The following SPOCK3 variants were observed in gnomAD, a reference collection of about 807,000 sequenced individuals.
SPOCK3 encodes testican-3.
Under a neutral mutation model 56.6 loss-of-function variants are expected in SPOCK3, and 30 were observed. That is an observed-to-expected ratio of 0.53 (90% CI 0.40 to 0.72). The LOEUF is 0.72. SPOCK3 is among the 30% of genes least tolerant of loss of function. SPOCK3 has a pLI of 0.00. For missense variants in SPOCK3, 527 were observed against 530.0 expected, an observed-to-expected ratio of 0.99 and a Z score of 0.06; for synonymous variants, 196 against 183.3, an observed-to-expected ratio of 1.07 and a Z score of -0.56.
intron 2 of SPOCK3, among the ~76,000 whole-genome samples, chr4:167,096,776 T>C (rs1467302457): frequency 6.6e-6 from 1 of 151,912 alleles, no homozygotes; most frequent in Non-Finnish European, 1.5e-5. Flanking sequence ...TACATCAAGT[T>C]GATTAATACT....
In SPOCK3 at chr4:167,020,051, A is replaced by T. The variant is rs367956444; in HGVS notation, c.236-19588T>A. Among the ~76,000 whole-genome samples, 31 of 152,236 alleles carry T rather than the reference A, an allele frequency of 2.0e-4. No homozygotes were observed. In the East Asian group the frequency reaches 5.6e-3, roughly 28 times the overall value. ...TGGATGTTACAGAAGTGAAACTTTA[A>T]TTGAAATGAGATAACTTTGGGACCT... is the stretch of plus-strand genomic sequence containing the variant. On this transcript the variant is annotated intron_variant, in intron 3 of 10. Transcript: ENST00000357545.
At chr4:166,899,288 A>ATCTC (rs768120620) in intron 5 of SPOCK3, among the ~76,000 whole-genome samples, 1 of 144,972 alleles carries the variant, frequency 6.9e-6, no homozygotes, top group Non-Finnish European at 1.5e-5. Flanking sequence ...CTATCTATCT[A>ATCTC]TCTATCTATC....
intron 7 of SPOCK3, among the ~76,000 whole-genome samples, chr4:166,762,984 A>G (rs1003051675): frequency 2.6e-5 from 4 of 152,142 alleles, no homozygotes; most frequent in Non-Finnish European, 5.9e-5. Flanking sequence ...TCAGAAAATT[A>G]TATGAAGAAA....
At chr4:167,113,014 G>A (rs1281693695) in intron 2 of SPOCK3, among the ~76,000 whole-genome samples, 6 of 152,064 alleles carry the variant, frequency 3.9e-5, no homozygotes, top group Non-Finnish European at 7.4e-5. Flanking sequence ...TGATTTGCCT[G>A]CTTGATCATA....
intron 6 of SPOCK3, among the ~76,000 whole-genome samples, chr4:166,874,611 C>A (rs940914536): frequency 2.0e-5 from 3 of 152,144 alleles, no homozygotes; most frequent in Admixed American, 6.5e-5. Flanking sequence ...GTGGCAGTAT[C>A]ACCATGTAAG....
chr4:167,056,510 C>T (rs1580147855), intron 3 of SPOCK3, among the ~76,000 whole-genome samples: 1 of 152,158 alleles, frequency 6.6e-6, no homozygotes, highest in East Asian at 1.9e-4. Context: ...GACATTCAAA[C>T]CAAAGGCAAA....
intron 4 of SPOCK3, among the ~76,000 whole-genome samples, chr4:166,918,696 C>T (rs1738162656): frequency 2.0e-5 from 3 of 151,988 alleles, no homozygotes; most frequent in Non-Finnish European, 4.4e-5. Context: ...ATGAAAAATA[C>T]CTTTAAAAAT....
At chr4:166,879,305 G>C (rs1406679628) in intron 6 of SPOCK3, among the ~76,000 whole-genome samples, 1 of 152,028 alleles carries the variant, frequency 6.6e-6, no homozygotes, top group Non-Finnish European at 1.5e-5. Flanking sequence ...GAGGTAAGAG[G>C]ATCACTTGAG....
chr4:166,956,228 C>T (rs1743453149), intron 4 of SPOCK3, among the ~76,000 whole-genome samples: 1 of 151,942 alleles, frequency 6.6e-6, no homozygotes, highest in South Asian at 2.1e-4. Context: ...CATACACACA[C>T]ACACACACAC....
At chr4:166,862,579 A>C (rs1010707122) in intron 6 of SPOCK3, among the ~76,000 whole-genome samples, 9 of 152,126 alleles carry the variant, frequency 5.9e-5, no homozygotes, top group Admixed American at 4.6e-4. Context: ...CATGTTTGTT[A>C]AATACATAAA....
At chr4:166,738,021 C>T (rs192399128) in intron 9 of SPOCK3, among the ~76,000 whole-genome samples, 1 of 152,242 alleles carries the variant, frequency 6.6e-6, no homozygotes, top group East Asian at 1.9e-4. Flanking sequence ...CTTTCATTTC[C>T]CCAAATGTTC....
At chr4:167,179,713 G>A (rs540034735) in intron 2 of SPOCK3, among the ~76,000 whole-genome samples, 68 of 152,142 alleles carry the variant, frequency 4.5e-4, no homozygotes, top group South Asian at 2.3e-3. Flanking sequence ...GAATGATACC[G>A]CATTATATTA....
At chr4:166,845,617 G>T (rs1747980351) in intron 6 of SPOCK3, among the ~76,000 whole-genome samples, 1 of 152,144 alleles carries the variant, frequency 6.6e-6, no homozygotes, top group Non-Finnish European at 1.5e-5. Flanking sequence ...AGAAAACAGG[G>T]TTGGGAGCTC....
At chr4:166,773,877 G>T (rs1739231576) in intron 7 of SPOCK3, among the ~76,000 whole-genome samples, 2 of 152,004 alleles carry the variant, frequency 1.3e-5, no homozygotes, top group South Asian at 2.1e-4. Context: ...AACAAATGGG[G>T]CTTATAGGAT....
chr4:166,902,402 C>G (rs1736147630), intron 5 of SPOCK3, among the ~76,000 whole-genome samples: 1 of 151,950 alleles, frequency 6.6e-6, no homozygotes, highest in Non-Finnish European at 1.5e-5. Context: ...TTCATCACTT[C>G]TGGAAAGTTC....
intron 7 of SPOCK3, among the ~76,000 whole-genome samples, chr4:166,784,792 G>A (rs190302735): frequency 1.4e-4 from 22 of 152,098 alleles, no homozygotes; most frequent in Admixed American, 1.2e-3. Flanking sequence ...CATTTTCTCC[G>A]ACTGAGGAGA....
At chr4:166,843,467 G>T (rs1176121781) in intron 6 of SPOCK3, among the ~76,000 whole-genome samples, 9 of 152,328 alleles carry the variant, frequency 5.9e-5, no homozygotes, top group Admixed American at 2.6e-4. Flanking sequence ...ACCTAATAGT[G>T]AGTCATTTAA....
At chr4:166,938,558 T>TAAAG (rs1740710197) in intron 4 of SPOCK3, among the ~76,000 whole-genome samples, 1 of 151,970 alleles carries the variant, frequency 6.6e-6, no homozygotes, top group African/African-American at 2.4e-5. Flanking sequence ...GATAAAAATG[T>TAAAG]GAAGCCATTA....
chr4:167,114,253 G>A (rs1375071273), intron 2 of SPOCK3, among the ~76,000 whole-genome samples: 1 of 152,054 alleles, frequency 6.6e-6, no homozygotes, highest in African/African-American at 2.4e-5. Context: ...CCAAAATCCT[G>A]GAGAAGAGGG....
Sources: gnomAD v4.1 joint callset for allele counts (sites outside exome capture counted in the v4.1 genomes callset) on GRCh38, gnomAD v4.1.1 for gene constraint, MANE v1.5 for transcripts, NCBI Gene and HGNC (gene_info 2026-07-23, HGNC 2026-07-21) for gene names.